Variants in KLHL12 observed in about 807,000 individuals in gnomAD.
KLHL12 encodes the protein kelch-like protein 12.
In KLHL12, 17 loss-of-function variants were observed where a neutral mutation model predicts 60.8. The ratio of observed to expected loss-of-function variants is 0.28; its 90% CI spans 0.19 to 0.42. The LOEUF (loss-of-function observed/expected upper bound fraction) is 0.42, where lower values mean the gene tolerates loss of function less well. Among genes scored for constraint, KLHL12 ranks in the 10% least tolerant of loss-of-function variants. The pLI is 1.00. For synonymous variants in KLHL12, 220 were observed against 250.9 expected, an observed-to-expected ratio of 0.88 and a Z score of 1.16; for missense variants, 468 against 722.3, an observed-to-expected ratio of 0.65 and a Z score of 4.04.
chr1:202,916,132 A>G (rs1429548484), intron 4 of KLHL12, among the ~76,000 whole-genome samples: 2 of 152,212 alleles, frequency 1.3e-5, no homozygotes, highest in East Asian at 3.8e-4. Flanking sequence ...CAGCACAAGG[A>G]TACAATGTCC....
chr1:202,925,013 C>G lies in KLHL12; in HGVS notation c.150G>C (p.Val50=). The change falls in exon 2 of 12, where the codon GTG becomes GTC. Residue 50 remains valine (V), a synonymous_variant. Transcript: ENST00000367261. ...AGAAGTAATCACTACAGGCAGCCAG[C>G]ACAATCCGATGGGCAGGGAAGTCTT... ...EQKDFPAHRI[V]LAACSDYFCA... 1 of 1,614,200 alleles carries G rather than the reference C, an allele frequency of 6.2e-7. No homozygotes were observed. The highest frequency in any genetic ancestry group is 8.5e-7 in the Non-Finnish European group (1 of 1,180,028).
chr1:202,902,170 G>A (rs538004285), intron 6 of KLHL12, among the ~76,000 whole-genome samples: 6 of 152,208 alleles, frequency 3.9e-5, no homozygotes, highest in South Asian at 2.1e-4. Context: ...AGTGGCTAGC[G>A]CCTGTAATCC....
rs188760993 is a variant in KLHL12, at chr1:202,903,420, C to G, written c.832+5590G>C. On this transcript the variant is annotated intron_variant, in intron 6 of 11. Transcript: ENST00000367261. ...CCAGCTTTACTTGCCCTTCTGCGAA[C>G]TGTACACTCAAATCTTTATTGTTTC... 2.6e-4 allele frequency among the ~76,000 whole-genome samples: 37 copies of G among 139,816 alleles called. No individual in the cohort carries two copies. In the Admixed American group the frequency reaches 2.9e-3, roughly 11 times the overall value. The allele number at this position is 139,816 out of a possible 152,430, so 91.7% of individuals were successfully genotyped here. A position where few individuals can be genotyped will look rare whatever the true frequency, so the allele number is the denominator to read the frequency against.
At chr1:202,926,992 G>A in intron 1 of KLHL12, 97 bp downstream of exon 1, 2 of 901,828 alleles carry the variant, frequency 2.2e-6, no homozygotes, top group Non-Finnish European at 1.3e-6. Flanking sequence ...CTCCCATTCC[G>A]CCTTGCAGGG....
In KLHL12 at chr1:202,896,869, C is replaced by T. The variant is rs748080354; in HGVS notation, c.924G>A (p.Glu308=). 5 of 1,613,814 alleles carry T rather than the reference C, an allele frequency of 3.1e-6. No individual in the cohort carries two copies. In the South Asian group the frequency reaches 4.4e-5, roughly 14 times the overall value. ...CATTATTTACTGGCAAAAAGCTCCACTCCTGAGTCTTGGGGTCATATTTCT... is the reference window on the plus strand; with the variant it reads ...CATTATTTACTGGCAAAAAGCTCCATTCCTGAGTCTTGGGGTCATATTTCT... ...VVEKYDPKTQ[E]WSFLPSITRK... Residue 308 remains glutamate, a synonymous_variant, in exon 7 of 12, where the codon GAG becomes GAA. Transcript: ENST00000367261.
intron 4 of KLHL12, 134 bp downstream of exon 4, chr1:202,918,037 G>T: frequency 1.4e-6 from 1 of 696,052 alleles, no homozygotes; most frequent in East Asian, 2.5e-5. Context: ...TTTGGTACAG[G>T]AGGGGTTAAT....
rs1029150360 is a variant in KLHL12, at chr1:202,912,764, C to T, written c.568-1561G>A. On this transcript the variant is annotated intron_variant, in intron 4 of 11. Transcript: ENST00000367261. ...ACAAAGCTTAGCTGGAGAGGAGAGC[C>T]GGAGAAGTGACAGGGAAGCTACAGG... 42 of 1,301,040 alleles carry T rather than the reference C, an allele frequency of 3.2e-5. No individual in the cohort carries two copies. In the Admixed American group the frequency reaches 4.7e-4, roughly 15 times the overall value. 80.6% of individuals were successfully genotyped at this position (1,301,040 alleles called of 1,614,324 possible).
rs1191741136 is a variant in KLHL12 at position 202,895,826 on chromosome 1, TG to T, written c.940-110del. The T allele has an allele frequency of 1.3e-6, 1 of 791,582 alleles. No homozygotes were observed. Among genetic ancestry groups the T allele is most frequent in the African/African-American group, 1.7e-5 (1 of 57,942 alleles). 49.0% of individuals were successfully genotyped at this position (791,582 alleles called of 1,614,324 possible). A position where few individuals can be genotyped will look rare whatever the true frequency, so the allele number is the denominator to read the frequency against. ...CTGCACACCTCTCTGCTTCTTCACC[TG>T]TCATCATGAACCCTCCTTAAGTGGT... On this transcript the variant is annotated intron_variant, in intron 7 of 11. Transcript: ENST00000367261. This position sits in a 1 kb window ranked among gnomAD's most constrained non-coding sequence, Gnocchi z 4.2.
intron 2 of KLHL12, among the ~76,000 whole-genome samples, chr1:202,923,049 A>C (rs748878281): frequency 1.1e-4 from 17 of 152,224 alleles, no homozygotes; most frequent in Admixed American, 5.9e-4. Flanking sequence ...AGAATTGCTA[A>C]GAGAACTAAG....
chr1:202,908,978 C>T lies in KLHL12; in HGVS notation c.832+32G>A, dbSNP rs377582913. 208 of 1,339,650 alleles carry T rather than the reference C, an allele frequency of 1.6e-4. 1 individual carries two copies. The highest frequency in any genetic ancestry group is 2.1e-4 in the Middle Eastern group (1 of 4,778). 83.0% of individuals were successfully genotyped at this position (1,339,650 alleles called of 1,614,324 possible). A position where few individuals can be genotyped will look rare whatever the true frequency, so the allele number is the denominator to read the frequency against. ...TCACCTGCAAGAAGTAGTTGAAAAG[C>T]ATCCCCTCATTCTGCCGAGATACCA... On this transcript the variant is annotated intron_variant, in intron 6 of 11. Transcript: ENST00000367261.
chr1:202,918,103 G>A, intron 4 of KLHL12, 68 bp downstream of exon 4: 1 of 1,139,758 alleles, frequency 8.8e-7, no homozygotes, highest in African/African-American at 1.5e-5. Context: ...GTAAGTAACT[G>A]CATCCTATTT....
intron 4 of KLHL12, among the ~76,000 whole-genome samples, chr1:202,914,634 G>A (rs551774449): frequency 2.0e-5 from 3 of 152,194 alleles, no homozygotes; most frequent in South Asian, 4.1e-4. Flanking sequence ...TTGGGAGGCC[G>A]AGGCGGGTGG....
At chr1:202,925,413 C>T (rs1653485747) in intron 1 of KLHL12, among the ~76,000 whole-genome samples, 1 of 152,154 alleles carries the variant, frequency 6.6e-6, no homozygotes, top group Admixed American at 6.5e-5. Flanking sequence ...CTCTGAATTC[C>T]TCTATCACGG....
At chr1:202,922,558 C>T (rs2102458856) in intron 2 of KLHL12, among the ~76,000 whole-genome samples, 1 of 151,192 alleles carries the variant, frequency 6.6e-6, no homozygotes, top group East Asian at 2.0e-4. Flanking sequence ...GTGATCTGGG[C>T]TCACTGCCAG....
intron 7 of KLHL12, among the ~76,000 whole-genome samples, chr1:202,896,403 C>A (rs558817679): frequency 2.6e-5 from 4 of 152,130 alleles, no homozygotes; most frequent in Non-Finnish European, 5.9e-5. Flanking sequence ...ATTGCCCAGG[C>A]TGGTCTTGAA....
chr1:202,899,419 T>C (rs1206068677), intron 6 of KLHL12, among the ~76,000 whole-genome samples: 2 of 152,206 alleles, frequency 1.3e-5, no homozygotes, highest in African/African-American at 4.8e-5. Flanking sequence ...ACATATACAC[T>C]CACACATAAA....
intron 6 of KLHL12, 131 bp downstream of exon 6, chr1:202,908,879 T>C: frequency 1.6e-6 from 1 of 608,242 alleles, no homozygotes; most frequent in African/African-American, 1.9e-5. Flanking sequence ...AAGTGACTTG[T>C]CTGAGATGAT....
chr1:202,927,555 CG>C (rs1382036092), upstream of KLHL12, among the ~76,000 whole-genome samples: 2 of 148,248 alleles, frequency 1.3e-5, no homozygotes, highest in Non-Finnish European at 3.0e-5. Context: ...GCCCGCACCG[CG>C]CCTGTAGTCC....
Position 202,892,443 on chromosome 1 carries a change from G to C in KLHL12, c.*90C>G. On this transcript the variant is annotated 3_prime_UTR_variant, in exon 12 of 12. Coordinates refer to ENST00000367261, the MANE Select transcript of KLHL12 (RefSeq NM_021633.4). ...CCTGTAATCACCCGGTGCACATAGT[G>C]AGAAACAGACATTCTGGAAAGGATT... 6.8e-7 allele frequency: 1 copy of C among 1,466,424 alleles called. No homozygotes were observed. Among genetic ancestry groups the C allele is most frequent in the East Asian group, 2.3e-5 (1 of 43,506 alleles). 90.8% of individuals were successfully genotyped at this position (1,466,424 alleles called of 1,614,324 possible).
Sources: gnomAD v4.1 joint callset for allele counts (sites outside exome capture counted in the v4.1 genomes callset) on GRCh38, gnomAD v4.1.1 for gene constraint, Gnocchi (gnomAD v3.1) non-coding constraint, MANE v1.5 for transcripts, NCBI Gene and HGNC (gene_info 2026-07-23, HGNC 2026-07-21) for gene names.